The following ABI3BP variants were observed in gnomAD, a reference collection of about 807,000 sequenced individuals.
The protein encoded by ABI3BP is target of Nesh-SH3.
A neutral mutation model predicts 268.6 loss-of-function variants in ABI3BP; 216 were observed. The ratio of observed to expected loss-of-function variants is 0.80; its 90% confidence interval spans 0.72 to 0.90. The LOEUF (loss-of-function observed/expected upper bound fraction) is 0.90. Ranked by LOEUF, ABI3BP falls within the 40% of genes least tolerant of loss-of-function variation. The pLI is 0.00. For synonymous variants in ABI3BP, 730 were observed against 730.0 expected, an observed-to-expected ratio of 1.00 and a Z score of 0.00; for missense variants, 2,090 against 2,182.4, an observed-to-expected ratio of 0.96 and a Z score of 0.84.
intron 6 of ABI3BP, among the ~76,000 whole-genome samples, chr3:100,883,109 G>C (rs1470486495): frequency 6.6e-6 from 1 of 151,846 alleles, no homozygotes; most frequent in East Asian, 1.9e-4. Flanking sequence ...GGTTATTTGG[G>C]GGAAAAATAC....
At chr3:100,786,516 T>C (rs866120382) in intron 57 of ABI3BP, among the ~76,000 whole-genome samples, 2 of 152,204 alleles carry the variant, frequency 1.3e-5, no homozygotes, top group Non-Finnish European at 2.9e-5. Context: ...TAGTGAAGGT[T>C]AGTAGCTTTC....
chr3:100,841,207 T>TG (rs2098693484), intron 21 of ABI3BP, among the ~76,000 whole-genome samples: 1 of 129,058 alleles, frequency 7.7e-6, no homozygotes. Flanking sequence ...TTTTTTTTTT[T>TG]TTTTTTTTTT....
At chr3:100,921,468 C>A (rs1448158165) in intron 2 of ABI3BP, among the ~76,000 whole-genome samples, 2 of 150,912 alleles carry the variant, frequency 1.3e-5, no homozygotes, top group African/African-American at 2.4e-5. Context: ...AAGAAAGAAG[C>A]AGAAACTTAA....
intron 1 of ABI3BP, 69 bp downstream of exon 1, chr3:100,993,237 T>G (rs185785727): frequency 3.5e-6 from 4 of 1,157,004 alleles, no homozygotes; most frequent in African/African-American, 1.5e-5. Context: ...AGATCATATT[T>G]AAAATCAACA....
intron 22 of ABI3BP, among the ~76,000 whole-genome samples, chr3:100,840,561 T>C (rs1264781793): frequency 6.6e-6 from 1 of 152,188 alleles, no homozygotes; most frequent in Non-Finnish European, 1.5e-5. Flanking sequence ...CACTTAGCAT[T>C]TAAAATATCC....
chr3:100,907,652 A>T (rs1389734784), intron 2 of ABI3BP, among the ~76,000 whole-genome samples: 1 of 152,226 alleles, frequency 6.6e-6, no homozygotes, highest in East Asian at 1.9e-4. Flanking sequence ...AAGCATCACA[A>T]GTTCCAAAAT....
At chr3:100,812,362 G>C in intron 46 of ABI3BP, 105 bp downstream of exon 46, 1 of 673,488 alleles carries the variant, frequency 1.5e-6, no homozygotes, top group Non-Finnish European at 2.1e-6. Context: ...GCTGTGAGGA[G>C]CAAGTGGCTA....
chr3:100,820,541 A>C (rs1047910164), intron 39 of ABI3BP, among the ~76,000 whole-genome samples: 5 of 152,218 alleles, frequency 3.3e-5, no homozygotes, highest in African/African-American at 4.8e-5. Context: ...AGTCAATAGG[A>C]CTCACCAAAT....
intron 1 of ABI3BP, among the ~76,000 whole-genome samples, chr3:100,992,432 T>C (rs1380157621): frequency 6.6e-6 from 1 of 152,226 alleles, no homozygotes; most frequent in Non-Finnish European, 1.5e-5. Flanking sequence ...TTACTTCTGA[T>C]GTTTTCCATC....
At chr3:100,969,690 T>G (rs913982378) in intron 1 of ABI3BP, among the ~76,000 whole-genome samples, 1 of 152,136 alleles carries the variant, frequency 6.6e-6, no homozygotes, top group Non-Finnish European at 1.5e-5. Flanking sequence ...AAAAAAATCA[T>G]GTTTTTTTGA....
intron 2 of ABI3BP, among the ~76,000 whole-genome samples, chr3:100,917,348 A>G (rs2058922656): frequency 6.6e-6 from 1 of 152,200 alleles, no homozygotes; most frequent in South Asian, 2.1e-4. Context: ...TGTGTCAGAG[A>G]GCACTGAATT....
chr3:100,875,037 A>C, intron 8 of ABI3BP, 104 bp from the exon 9 acceptor site: 1 of 579,732 alleles, frequency 1.7e-6, no homozygotes, highest in East Asian at 3.0e-5. Context: ...CATAGCACTT[A>C]TTTTGCTTAG....
intron 6 of ABI3BP, among the ~76,000 whole-genome samples, chr3:100,882,105 G>C (rs2039584368): frequency 6.6e-6 from 1 of 152,110 alleles, no homozygotes. Flanking sequence ...GTGTTCAAGA[G>C]TTTTTGCTGC....
chr3:100,856,910 C>T (rs2098946319), intron 14 of ABI3BP, among the ~76,000 whole-genome samples: 1 of 152,090 alleles, frequency 6.6e-6, no homozygotes. Context: ...CATTATTTTA[C>T]TCATTGATCC....
rs756459403 is a variant in ABI3BP at position 100,840,142 on chromosome 3, T to C, written c.1827A>G (p.Pro609=). ...TTLAPRKTKR[P]GRRPRPRPRP... Reference sequence around the variant, plus strand: ...GGGGACGGGGGCGGGGGCGACGACCTGGTCTTTTGGTCTTTCGTGGTGCTG... The same window carrying C: ...GGGGACGGGGGCGGGGGCGACGACCCGGTCTTTTGGTCTTTCGTGGTGCTG... The change falls in exon 23 of 68, where the codon CCA becomes CCG. Residue 609 remains proline (P), a synonymous_variant. Coordinates refer to ENST00000471714, the MANE Select transcript of ABI3BP (RefSeq NM_001375547.2). The C allele has an allele frequency of 2.9e-5, 45 of 1,532,298 alleles. No homozygotes were observed. In the African/African-American group the frequency reaches 3.3e-4, roughly 11 times the overall value. The allele number at this position is 1,532,298 out of a possible 1,614,324, so 94.9% of individuals were successfully genotyped here.
intron 9 of ABI3BP, among the ~76,000 whole-genome samples, chr3:100,871,884 T>C (rs991779639): frequency 6.6e-6 from 1 of 152,230 alleles, no homozygotes; most frequent in Admixed American, 6.5e-5. Context: ...TTGCCCAGGC[T>C]GTAGTACAGT....
intron 2 of ABI3BP, among the ~76,000 whole-genome samples, chr3:100,906,978 A>G (rs13072000): frequency 0.11 from 17,338 of 152,234 alleles, 1,165 homozygotes; most frequent in Non-Finnish European, 0.15. Context: ...AGATAATCCT[A>G]AAAGAAATTA....
intron 1 of ABI3BP, among the ~76,000 whole-genome samples, chr3:100,931,793 A>G (rs1227564717): frequency 6.6e-6 from 1 of 152,110 alleles, no homozygotes; most frequent in African/African-American, 2.4e-5. Context: ...AGCAATGTAC[A>G]GATTCAATGT....
intron 41 of ABI3BP, among the ~76,000 whole-genome samples, chr3:100,818,265 T>C (rs576710565): frequency 6.6e-6 from 1 of 152,322 alleles, no homozygotes; most frequent in South Asian, 2.1e-4. Context: ...AAATGGTCAA[T>C]GCTCTTTAAA....
Sources: gnomAD v4.1 joint callset for allele counts (sites outside exome capture counted in the v4.1 genomes callset) on GRCh38, gnomAD v4.1.1 for gene constraint, MANE v1.5 for transcripts, NCBI Gene and HGNC (gene_info 2026-07-23, HGNC 2026-07-21) for gene names.